The following OXR1 variants were observed in gnomAD, a reference collection of about 807,000 sequenced individuals.
OXR1 encodes oxidation resistance 1.
A neutral mutation model predicts 104.6 loss-of-function variants in OXR1; 41 were observed. The observed-to-expected ratio is 0.39, with a 90% CI of 0.31 to 0.51. OXR1 has a LOEUF of 0.51. Among genes scored for constraint, OXR1 ranks in the 20% least tolerant of loss-of-function variants. The pLI, the probability that OXR1 is intolerant of heterozygous loss-of-function variation, is 0.77. For missense variants in OXR1, 955 were observed against 1,031.9 expected (o/e 0.93, Z 1.02); for synonymous variants, 348 against 348.4 (o/e 1.00, Z 0.01).
chr8:106,689,723 G>C (rs993188032), intron 6 of OXR1, among the ~76,000 whole-genome samples: 2 of 151,928 alleles, frequency 1.3e-5, no homozygotes, highest in African/African-American at 4.8e-5. Context: ...TGGGAAGCTT[G>C]TGAATATTTG....
At chr8:106,396,593 A>G (rs754376957) in intron 2 of OXR1, among the ~76,000 whole-genome samples, 2 of 152,146 alleles carry the variant, frequency 1.3e-5, no homozygotes, top group African/African-American at 4.8e-5. Context: ...CATGACAACT[A>G]AATGCAGTAT....
chr8:106,738,033 T>C (rs1834561541), intron 12 of OXR1, among the ~76,000 whole-genome samples: 1 of 152,196 alleles, frequency 6.6e-6, no homozygotes, highest in Non-Finnish European at 1.5e-5. Flanking sequence ...ACATCAAATA[T>C]CTCAATAGGA....
intron 1 of OXR1, among the ~76,000 whole-genome samples, chr8:106,317,385 GC>G (rs1814012002): frequency 6.6e-6 from 1 of 151,950 alleles, no homozygotes; most frequent in South Asian, 2.1e-4. Flanking sequence ...CCAAACAGTA[GC>G]CCCCATTTTC....
intron 3 of OXR1, among the ~76,000 whole-genome samples, chr8:106,674,907 A>T (rs1000080095): frequency 6.6e-6 from 1 of 152,168 alleles, no homozygotes; most frequent in Non-Finnish European, 1.5e-5. Context: ...TGGAACTGTC[A>T]GTCAATTAAA....
intron 7 of OXR1, among the ~76,000 whole-genome samples, chr8:106,695,221 C>G (rs1829889888): frequency 6.6e-6 from 1 of 151,286 alleles, no homozygotes; most frequent in South Asian, 2.1e-4. Flanking sequence ...TATCCACTTA[C>G]TTATTCCCTA....
At chr8:106,341,221 C>T (rs981959986) in intron 1 of OXR1, among the ~76,000 whole-genome samples, 5 of 151,954 alleles carry the variant, frequency 3.3e-5, no homozygotes, top group African/African-American at 4.8e-5. Context: ...TCCAAATAAA[C>T]GTGCTCATAT....
chr8:106,354,383 T>C (rs537139067), intron 1 of OXR1, among the ~76,000 whole-genome samples: 5 of 152,356 alleles, frequency 3.3e-5, no homozygotes, highest in Admixed American at 3.3e-4. Context: ...ATGCATTTTA[T>C]TCTTCATTTT....
intron 3 of OXR1, chr8:106,522,720 C>T (rs1381551464): frequency 6.6e-6 from 1 of 152,214 alleles, no homozygotes; most frequent in Non-Finnish European, 1.5e-5. Flanking sequence ...TTAATACTTA[C>T]ATGTGTACAA....
intron 2 of OXR1, among the ~76,000 whole-genome samples, chr8:106,497,699 T>G (rs755022457): frequency 1.3e-5 from 2 of 152,178 alleles, no homozygotes; most frequent in South Asian, 4.1e-4. Context: ...CTGATGTTTG[T>G]TTCAGTTGCA....
chr8:106,530,333 T>C (rs1177267765), intron 3 of OXR1, among the ~76,000 whole-genome samples: 2 of 152,204 alleles, frequency 1.3e-5, no homozygotes, highest in Non-Finnish European at 2.9e-5. Context: ...GAAGTCTCAG[T>C]GTCATCCAGG....
intron 2 of OXR1, among the ~76,000 whole-genome samples, chr8:106,392,655 T>A (rs1044453021): frequency 6.6e-6 from 1 of 152,156 alleles, no homozygotes; most frequent in Non-Finnish European, 1.5e-5. Context: ...GGTGGGAATT[T>A]CATATTCTTT....
intron 1 of OXR1, among the ~76,000 whole-genome samples, chr8:106,325,725 T>C (rs1814443608): frequency 6.6e-6 from 1 of 152,232 alleles, no homozygotes; most frequent in Non-Finnish European, 1.5e-5. Context: ...ATCTGAATGC[T>C]TTAGGAATAT....
At position 106,679,840 on chromosome 8, in the gene OXR1, G is replaced by C. The variant is rs147127170; in HGVS notation, c.303+548G>C. On this transcript the variant is annotated intron_variant, in intron 4 of 16. Coordinates refer to ENST00000517566, the MANE Select transcript of OXR1 (RefSeq NM_001198533.2). ...GGCTTTTCACATTTCTGGTTACTCT[G>C]GGAAACTGAAGTGAGAAATCAGCTT... is the stretch of plus-strand genomic sequence containing the variant. Among the ~76,000 whole-genome samples the C allele has an allele frequency of 2.4e-3, 365 of 151,392 alleles. 2 individuals carry two copies. Among genetic ancestry groups the C allele is most frequent in the African/African-American group, 8.3e-3 (344 of 41,394 alleles).
chr8:106,685,286 G>T (rs1328829952), intron 6 of OXR1, among the ~76,000 whole-genome samples: 2 of 152,064 alleles, frequency 1.3e-5, no homozygotes, highest in African/African-American at 4.8e-5. Context: ...ACTCATAAGG[G>T]GCAATGACAA....
chr8:106,495,952 C>T (rs1242695755), intron 2 of OXR1, among the ~76,000 whole-genome samples: 1 of 152,084 alleles, frequency 6.6e-6, no homozygotes, highest in Non-Finnish European at 1.5e-5. Context: ...TTTTTATTCA[C>T]TGTAGATTTA....
chr8:106,443,130 A>C (rs543485731), intron 2 of OXR1, among the ~76,000 whole-genome samples: 2 of 152,128 alleles, frequency 1.3e-5, no homozygotes, highest in African/African-American at 4.8e-5. Flanking sequence ...GGTTTCAAAG[A>C]ACTTCATTTC....
At chr8:106,663,477 G>A (rs930340313) in intron 3 of OXR1, among the ~76,000 whole-genome samples, 1 of 152,144 alleles carries the variant, frequency 6.6e-6, no homozygotes, top group Admixed American at 6.6e-5. Flanking sequence ...TCCAATGAGG[G>A]TGTGAGAAAA....
intron 7 of OXR1, among the ~76,000 whole-genome samples, chr8:106,698,385 T>G (rs1830274726): frequency 6.6e-6 from 1 of 152,298 alleles, no homozygotes; most frequent in African/African-American, 2.4e-5. Context: ...TTTTTTCTAT[T>G]TGTTTTGCTG....
chr8:106,534,550 A>G (rs1347325977), intron 3 of OXR1, among the ~76,000 whole-genome samples: 1 of 152,272 alleles, frequency 6.6e-6, no homozygotes, highest in Non-Finnish European at 1.5e-5. Flanking sequence ...CTGTGACAGT[A>G]TAGTGTAGTG....
Sources: gnomAD v4.1 joint callset for allele counts (sites outside exome capture counted in the v4.1 genomes callset) on GRCh38, gnomAD v4.1.1 for gene constraint, MANE v1.5 for transcripts, NCBI Gene and HGNC (gene_info 2026-07-23, HGNC 2026-07-21) for gene names.